GRIK4: variants seen among roughly 807,000 people sequenced by gnomAD.
GRIK4 encodes glutamate ionotropic receptor kainate type subunit 4, also known as glutamate receptor ionotropic, kainate 4.
A neutral mutation model predicts 104.9 loss-of-function variants in GRIK4; 40 were observed. That is an observed-to-expected ratio of 0.38 (90% confidence interval 0.30 to 0.50). GRIK4 has a LOEUF of 0.50. GRIK4 is among the 20% of genes least tolerant of loss of function. GRIK4 has a pLI of 0.93. For synonymous variants in GRIK4, 485 were observed against 524.9 expected (o/e 0.92, Z 1.04); for missense variants, 1,047 against 1,308.1 (o/e 0.80, Z 3.08).
At chr11:120,648,551 C>T (rs1364306012) in intron 1 of GRIK4, among the ~76,000 whole-genome samples, 1 of 152,162 alleles carries the variant, frequency 6.6e-6, no homozygotes, top group Non-Finnish European at 1.5e-5. Context: ...CTCCCAGGCT[C>T]AGCACTGAGC....
chr11:120,694,014 G>T (rs1282747215), intron 3 of GRIK4, among the ~76,000 whole-genome samples: 3 of 152,180 alleles, frequency 2.0e-5, no homozygotes, highest in African/African-American at 7.2e-5. Flanking sequence ...TCCAGGAGCT[G>T]CCTTGGGTGA....
At position 120,905,639 on chromosome 11, in the gene GRIK4, A is replaced by T; in HGVS notation, c.1476+146A>T. ...ATTTATTTGTCCACTCATTCTATAA[A>T]TCTTGCCTGGACTGGCACAGACGTG... On this transcript the variant is annotated intron_variant, in intron 13 of 20. Coordinates refer to ENST00000527524, the MANE Select transcript of GRIK4 (RefSeq NM_014619.5). This position sits in a 1 kb window ranked among gnomAD's most constrained non-coding sequence, Gnocchi z 5.1. 1 of 679,410 alleles carries T rather than the reference A, an allele frequency of 1.5e-6. No homozygotes were observed. Among genetic ancestry groups the T allele is most frequent in the South Asian group, 1.7e-5 (1 of 57,602 alleles). 42.1% of individuals were successfully genotyped at this position (679,410 alleles called of 1,614,324 possible).
intron 1 of GRIK4, among the ~76,000 whole-genome samples, chr11:120,633,450 G>C (rs1949355771): frequency 6.6e-6 from 1 of 152,198 alleles, no homozygotes; most frequent in Non-Finnish European, 1.5e-5. Flanking sequence ...GCACATGTGT[G>C]TGCTCGCATG....
intron 1 of GRIK4, among the ~76,000 whole-genome samples, chr11:120,631,879 C>T (rs1314060545): frequency 1.3e-5 from 2 of 152,072 alleles, no homozygotes; most frequent in Admixed American, 6.5e-5. Flanking sequence ...AGACCCCCAG[C>T]CTTGGAGCTT....
chr11:120,976,411 A>G (rs1944561663), intron 19 of GRIK4, among the ~76,000 whole-genome samples: 1 of 152,256 alleles, frequency 6.6e-6, no homozygotes, highest in Admixed American at 6.5e-5. Context: ...CCGTTTCAAC[A>G]TGATGAATCA....
chr11:120,973,804 G>C (rs955175787), intron 19 of GRIK4, among the ~76,000 whole-genome samples: 6 of 152,180 alleles, frequency 3.9e-5, no homozygotes, highest in African/African-American at 1.4e-4. Flanking sequence ...CCATTGCTTG[G>C]TCTCTCTCTG....
In GRIK4 at chr11:120,642,889, C is replaced by T. The variant is rs577584887; in HGVS notation, c.-158-10796C>T. Among the ~76,000 whole-genome samples, 4 of 152,330 alleles carry T rather than the reference C, an allele frequency of 2.6e-5. No individual in the cohort carries two copies. The South Asian group carries it at 6.2e-4, about 24-fold the overall frequency. On this transcript the variant is annotated intron_variant, in intron 1 of 20. Transcript: ENST00000527524. ...ATTCAATAGGGAGGCATTAAATCTA[C>T]GTGCTCCTGAGGCTGCACTTCCCCC... is the stretch of plus-strand genomic sequence containing the variant.
In GRIK4 at chr11:120,905,206, C is replaced by T. The variant is rs1040339692; in HGVS notation, c.1273-84C>T. On this transcript the variant is annotated intron_variant, in intron 12 of 20. Transcript: ENST00000527524. The surrounding 1 kb of genome is among the most constrained non-coding windows in gnomAD (Gnocchi z 5.1). ...CTTCTGCCCCATGTCCTCCCCGACCCTCTGTGCCCCTGGCCCTCCCCATCA... is the reference window on the plus strand; with the variant it reads ...CTTCTGCCCCATGTCCTCCCCGACCTTCTGTGCCCCTGGCCCTCCCCATCA... 6 of 983,888 alleles carry T rather than the reference C, an allele frequency of 6.1e-6. No individual in the cohort carries two copies. The African/African-American group carries it at 9.6e-5, about 16-fold the overall frequency. 60.9% of individuals were successfully genotyped at this position (983,888 alleles called of 1,614,324 possible).
intron 1 of GRIK4, among the ~76,000 whole-genome samples, chr11:120,604,837 A>G (rs1040555760): frequency 1.3e-5 from 2 of 152,226 alleles, no homozygotes; most frequent in Non-Finnish European, 2.9e-5. Context: ...CTTACTTGGA[A>G]TGGCCAGAAG....
At chr11:120,747,653 G>A (rs1444304454) in intron 3 of GRIK4, among the ~76,000 whole-genome samples, 3 of 152,206 alleles carry the variant, frequency 2.0e-5, no homozygotes, top group Admixed American at 6.5e-5. Context: ...TGTTCTATGC[G>A]CCGTTCCCAT....
intron 3 of GRIK4, among the ~76,000 whole-genome samples, chr11:120,721,902 T>C (rs927797783): frequency 6.6e-6 from 1 of 152,206 alleles, no homozygotes; most frequent in African/African-American, 2.4e-5. Flanking sequence ...AAGGGAATCA[T>C]CATTGATAAC....
chr11:120,930,403 G>T (rs118073180), intron 13 of GRIK4, among the ~76,000 whole-genome samples: 5,352 of 152,304 alleles, frequency 0.035, 155 homozygotes, highest in Admixed American at 0.071. Context: ...TCAGGCCTAA[G>T]CTTTGTGTGG....
rs543505809 is a variant in GRIK4 at position 120,539,294 on chromosome 11, C to T, written c.-159+27407C>T. 4.6e-5 allele frequency among the ~76,000 whole-genome samples: 7 copies of T among 152,222 alleles called. No individual in the cohort carries two copies. In the East Asian group the frequency reaches 5.8e-4, roughly 13 times the overall value. On this transcript the variant is annotated intron_variant, in intron 1 of 20. Transcript: ENST00000527524. ...AAGAGCTTCTGAAGAACAGGCCTGG[C>T]GAAGAACAGGTCTGGCAAATCCCAG... is the stretch of plus-strand genomic sequence containing the variant.
chr11:120,808,126 G>C (rs981889639), intron 4 of GRIK4, among the ~76,000 whole-genome samples: 1 of 152,212 alleles, frequency 6.6e-6, no homozygotes, highest in African/African-American at 2.4e-5. Context: ...GGGATGCAGT[G>C]ACAGACAGTA....
At chr11:120,528,166 G>A (rs1424728171) in intron 1 of GRIK4, among the ~76,000 whole-genome samples, 1 of 152,068 alleles carries the variant, frequency 6.6e-6, no homozygotes, top group African/African-American at 2.4e-5. Flanking sequence ...TTGTGCAGAC[G>A]TGGTTTCACC....
intron 1 of GRIK4, among the ~76,000 whole-genome samples, chr11:120,530,947 T>C (rs2257206): frequency 0.83 from 126,493 of 152,144 alleles, 52,745 homozygotes; most frequent in Admixed American, 0.89. Context: ...AAAAAGGAGA[T>C]CTGCTACGGT....
chr11:120,550,711 G>C (rs1948131485), intron 1 of GRIK4, among the ~76,000 whole-genome samples: 1 of 152,080 alleles, frequency 6.6e-6, no homozygotes, highest in East Asian at 1.9e-4. Flanking sequence ...GGCCCCGGGA[G>C]TCACACGGGA....
At chr11:120,913,582 A>T (rs1348549729) in intron 13 of GRIK4, among the ~76,000 whole-genome samples, 1 of 151,910 alleles carries the variant, frequency 6.6e-6, no homozygotes. Flanking sequence ...GTTGGCATTC[A>T]ACTCCATGTT....
At chr11:120,722,626 A>T (rs887841919) in intron 3 of GRIK4, among the ~76,000 whole-genome samples, 1 of 148,374 alleles carries the variant, frequency 6.7e-6, no homozygotes, top group Non-Finnish European at 1.5e-5. Context: ...AAAAAAAAAA[A>T]GATTTTGGGG....
Sources: gnomAD v4.1 joint callset for allele counts (sites outside exome capture counted in the v4.1 genomes callset) on GRCh38, gnomAD v4.1.1 for gene constraint, Gnocchi (gnomAD v3.1) non-coding constraint, MANE v1.5 for transcripts, NCBI Gene and HGNC (gene_info 2026-07-23, HGNC 2026-07-21) for gene names.